MTUS2: variants seen among roughly 807,000 people sequenced by gnomAD.
The protein encoded by MTUS2 is microtubule-associated tumor suppressor candidate 2.
A neutral mutation model predicts 114.1 loss-of-function variants in MTUS2; 40 were observed. The observed-to-expected ratio is 0.35, with a 90% CI of 0.27 to 0.46. The LOEUF is 0.46. Ranked by LOEUF, MTUS2 falls within the 20% of genes least tolerant of loss-of-function variation. The pLI is 1.00. For synonymous variants in MTUS2, 688 were observed against 672.0 expected (o/e 1.02, Z -0.37); for missense variants, 1,679 against 1,705.4 (o/e 0.98, Z 0.27).
chr13:29,007,654 G>C (rs929941157), intron 2 of MTUS2, among the ~76,000 whole-genome samples: 1 of 152,202 alleles, frequency 6.6e-6, no homozygotes, highest in East Asian at 1.9e-4. Flanking sequence ...TCAACGTGAA[G>C]ATGACAAGGA....
At chr13:29,356,971 G>A (rs2138212754) in intron 7 of MTUS2, among the ~76,000 whole-genome samples, 2 of 152,292 alleles carry the variant, frequency 1.3e-5, no homozygotes, top group East Asian at 3.9e-4. Context: ...AGGAGCCTCT[G>A]TCTTAGCTCA....
intron 2 of MTUS2, among the ~76,000 whole-genome samples, chr13:28,951,835 C>T (rs962031329): frequency 1.3e-5 from 2 of 151,940 alleles, no homozygotes; most frequent in African/African-American, 4.8e-5. Context: ...TGCATTTTAT[C>T]CCAAGCACGA....
chr13:28,972,149 C>T (rs892460549), intron 2 of MTUS2, among the ~76,000 whole-genome samples: 1 of 152,196 alleles, frequency 6.6e-6, no homozygotes, highest in Non-Finnish European at 1.5e-5. Flanking sequence ...ATTTTGAATA[C>T]TTCTCAGCAT....
chr13:28,833,877 T>C (rs1323151794), intron 1 of MTUS2, among the ~76,000 whole-genome samples: 1 of 152,116 alleles, frequency 6.6e-6, no homozygotes, highest in Admixed American at 6.5e-5. Context: ...TCAATTGTAT[T>C]TCTCTGCACT....
At chr13:29,173,528 C>T (rs1254160645) in intron 5 of MTUS2, among the ~76,000 whole-genome samples, 1 of 152,116 alleles carries the variant, frequency 6.6e-6, no homozygotes, top group Admixed American at 6.5e-5. Context: ...CTGTAATTTT[C>T]GTATGTCAGT....
chr13:29,478,622 A>AG (rs145942287), intron 9 of MTUS2, among the ~76,000 whole-genome samples: 10,166 of 152,218 alleles, frequency 0.067, 1,095 homozygotes, highest in African/African-American at 0.23. Context: ...ATCAAAAGCC[A>AG]GGGTCTTTTA....
intron 8 of MTUS2, among the ~76,000 whole-genome samples, chr13:29,432,231 A>G (rs987747916): frequency 1.3e-5 from 2 of 152,110 alleles, no homozygotes; most frequent in Non-Finnish European, 2.9e-5. Flanking sequence ...TGCAGTCTGT[A>G]GAAAGACTCG....
At chr13:29,195,420 G>A (rs1894645823) in intron 5 of MTUS2, among the ~76,000 whole-genome samples, 1 of 150,542 alleles carries the variant, frequency 6.6e-6, no homozygotes, top group South Asian at 2.1e-4. Context: ...GCACATGAAT[G>A]TATTAGCTAT....
intron 2 of MTUS2, among the ~76,000 whole-genome samples, chr13:28,976,371 G>A (rs888219864): frequency 1.3e-5 from 2 of 152,170 alleles, no homozygotes; most frequent in Admixed American, 6.5e-5. Flanking sequence ...TAATGTGATG[G>A]CAATGGGTGG....
chr13:29,180,548 G>A (rs1158909572), intron 5 of MTUS2, among the ~76,000 whole-genome samples: 1 of 152,222 alleles, frequency 6.6e-6, no homozygotes, highest in Non-Finnish European at 1.5e-5. Context: ...TATGGGCATA[G>A]GTGGACATCT....
At chr13:29,491,939 G>C (rs1882152402) in intron 11 of MTUS2, among the ~76,000 whole-genome samples, 1 of 149,506 alleles carries the variant, frequency 6.7e-6, no homozygotes, top group African/African-American at 2.5e-5. Context: ...TGGTAGGTGT[G>C]TGTGTGGCAT....
intron 5 of MTUS2, among the ~76,000 whole-genome samples, chr13:29,178,886 G>A (rs943031550): frequency 6.6e-6 from 1 of 152,106 alleles, no homozygotes; most frequent in Admixed American, 6.6e-5. Flanking sequence ...GTAAGACTAC[G>A]TAAATTAAAG....
chr13:29,339,172 C>T (rs1007310571), intron 7 of MTUS2, among the ~76,000 whole-genome samples: 4 of 152,080 alleles, frequency 2.6e-5, no homozygotes, highest in Non-Finnish European at 5.9e-5. Context: ...GCACCTACTC[C>T]TAGAGCTCCC....
At chr13:29,267,462 A>G (rs1239351290) in intron 5 of MTUS2, among the ~76,000 whole-genome samples, 1 of 152,160 alleles carries the variant, frequency 6.6e-6, no homozygotes, top group African/African-American at 2.4e-5. Context: ...CCCTGCTGCA[A>G]TGTAAGTTAT....
intron 7 of MTUS2, among the ~76,000 whole-genome samples, chr13:29,358,889 T>A (rs1429174750): frequency 6.6e-6 from 1 of 150,732 alleles, no homozygotes; most frequent in Non-Finnish European, 1.5e-5. Flanking sequence ...CGATTATAAG[T>A]CTGACTTCTA....
intron 9 of MTUS2, among the ~76,000 whole-genome samples, chr13:29,475,493 T>C (rs2138866120): frequency 6.6e-6 from 1 of 152,286 alleles, no homozygotes; most frequent in East Asian, 1.9e-4. Context: ...GGCATTGTTT[T>C]CCTAGGAGAT....
intron 5 of MTUS2, among the ~76,000 whole-genome samples, chr13:29,143,815 C>T (rs1161831237): frequency 6.6e-6 from 1 of 152,122 alleles, no homozygotes; most frequent in Admixed American, 6.5e-5. Flanking sequence ...GAAAATAGGA[C>T]AGCAGTTCCA....
At chr13:29,003,587 C>T (rs1209473036) in intron 2 of MTUS2, among the ~76,000 whole-genome samples, 1 of 152,214 alleles carries the variant, frequency 6.6e-6, no homozygotes, top group Non-Finnish European at 1.5e-5. Flanking sequence ...ATATCTAGTA[C>T]TGTATCACCA....
At chr13:28,987,586 A>C (rs1438139652) in intron 2 of MTUS2, among the ~76,000 whole-genome samples, 2 of 152,136 alleles carry the variant, frequency 1.3e-5, no homozygotes, top group Non-Finnish European at 2.9e-5. Flanking sequence ...GGCTGGAAGC[A>C]ACTTTGGGGT....
Sources: gnomAD v4.1 joint callset for allele counts (sites outside exome capture counted in the v4.1 genomes callset) on GRCh38, gnomAD v4.1.1 for gene constraint, MANE v1.5 for transcripts, NCBI Gene and HGNC (gene_info 2026-07-23, HGNC 2026-07-21) for gene names.